DTNB: variants seen among roughly 807,000 people sequenced by gnomAD.
DTNB encodes dystrobrevin beta, also known as DTN-B.
DTNB carries 63 observed loss-of-function variants against 90.7 expected under a neutral mutation model. That is an observed-to-expected ratio of 0.69 (90% CI 0.57 to 0.86). The LOEUF is 0.86. Ranked by LOEUF, DTNB falls within the 40% of genes least tolerant of loss-of-function variation. The pLI is 0.00. For synonymous variants in DTNB, 277 were observed against 286.7 expected, an observed-to-expected ratio of 0.97 and a Z score of 0.34; for missense variants, 744 against 807.1, an observed-to-expected ratio of 0.92 and a Z score of 0.95.
rs545770531 is a variant in DTNB, at chr2:25,574,902, T to C, written c.876+1936A>G. On this transcript the variant is annotated intron_variant, in intron 8 of 20. Transcript: ENST00000406818. ...TTAGTTCACAATAGTGCTGTGAGGG[T>C]CAAACAGAAATGTAAGAATTCATTT... Among the ~76,000 whole-genome samples the C allele has an allele frequency of 3.9e-4, 59 of 152,180 alleles. 3 individuals are homozygous for C. The highest frequency in any genetic ancestry group is 3.8e-3 in the Admixed American group (58 of 15,274).
intron 4 of DTNB, among the ~76,000 whole-genome samples, chr2:25,624,535 G>A (rs2073668859): frequency 6.6e-6 from 1 of 152,216 alleles, no homozygotes; most frequent in South Asian, 2.1e-4. Flanking sequence ...CAACCAAGAT[G>A]AGGGGCTGGC....
chr2:25,513,129 A>G (rs943987919), intron 9 of DTNB, among the ~76,000 whole-genome samples: 2 of 152,404 alleles, frequency 1.3e-5, no homozygotes, highest in Admixed American at 6.5e-5. Flanking sequence ...AAAGTGGGCA[A>G]TGTGAAGACT....
intron 3 of DTNB, among the ~76,000 whole-genome samples, 178 bp from the exon 4 acceptor site, chr2:25,628,562 A>T (rs2074967947): frequency 6.6e-6 from 1 of 152,184 alleles, no homozygotes; most frequent in South Asian, 2.1e-4. Context: ...AACATCAAGG[A>T]GCCACCACAG....
Position 25,379,290 on chromosome 2 carries a change from C to A in DTNB, c.*29G>T. ...GAGGCAGAGGACTCTTTGTACTCAC[C>A]TGAGCTTCCTCTGTGTCCGGCTCCT... On this transcript the variant is annotated splice_region_variant and 3_prime_UTR_variant, in exon 20 of 21. Coordinates refer to ENST00000406818, the MANE Select transcript of DTNB (RefSeq NM_021907.5). 2 of 1,326,996 alleles carry A rather than the reference C, an allele frequency of 1.5e-6. No individual in the cohort carries two copies. Among genetic ancestry groups the A allele is most frequent in the East Asian group, 2.8e-5 (1 of 35,686 alleles). The allele number at this position is 1,326,996 out of a possible 1,614,324, so 82.2% of individuals were successfully genotyped here. A position where few individuals can be genotyped will look rare whatever the true frequency, so the allele number is the denominator to read the frequency against.
At chr2:25,615,282 C>T (rs910559661) in intron 4 of DTNB, among the ~76,000 whole-genome samples, 1 of 152,162 alleles carries the variant, frequency 6.6e-6, no homozygotes, top group African/African-American at 2.4e-5. Flanking sequence ...TCTGGAAGCT[C>T]TCCAAACCTA....
intron 9 of DTNB, among the ~76,000 whole-genome samples, chr2:25,493,032 C>T (rs780225914): frequency 1.3e-5 from 2 of 152,156 alleles, no homozygotes; most frequent in African/African-American, 2.4e-5. Flanking sequence ...GGCGCATTAG[C>T]TCTTTCCCAC....
At chr2:25,578,141 A>G (rs1026159855) in intron 7 of DTNB, among the ~76,000 whole-genome samples, 1 of 152,230 alleles carries the variant, frequency 6.6e-6, no homozygotes, top group African/African-American at 2.4e-5. Context: ...AAAAATATAT[A>G]TTAACTAGTG....
chr2:25,556,110 T>C (rs1572532885), intron 8 of DTNB, among the ~76,000 whole-genome samples: 1 of 150,644 alleles, frequency 6.6e-6, no homozygotes, highest in East Asian at 2.0e-4. Context: ...AGTAAGTACA[T>C]ACCATAATAA....
chr2:25,482,385 T>C (rs1291929564), intron 10 of DTNB, among the ~76,000 whole-genome samples: 1 of 152,142 alleles, frequency 6.6e-6, no homozygotes, highest in Non-Finnish European at 1.5e-5. Flanking sequence ...TTATAAGGGA[T>C]TAATTCAATT....
At chr2:25,582,313 T>C (rs570921479) in intron 6 of DTNB, among the ~76,000 whole-genome samples, 29 of 152,304 alleles carry the variant, frequency 1.9e-4, no homozygotes, top group African/African-American at 6.7e-4. Flanking sequence ...CAAGAGTTCC[T>C]GTCTCATAAG....
intron 8 of DTNB, among the ~76,000 whole-genome samples, chr2:25,546,591 A>C (rs1043541842): frequency 1.3e-5 from 2 of 152,138 alleles, no homozygotes; most frequent in Non-Finnish European, 2.9e-5. Flanking sequence ...CTAAACCCTA[A>C]CCTCTGGGGC....
intron 10 of DTNB, among the ~76,000 whole-genome samples, chr2:25,475,964 T>G (rs1038790268): frequency 6.6e-6 from 1 of 152,196 alleles, no homozygotes; most frequent in East Asian, 1.9e-4. Context: ...TGACAATGCA[T>G]GTGGCTCCTA....
chr2:25,627,014 C>T (rs1018881294), intron 4 of DTNB, among the ~76,000 whole-genome samples: 9 of 152,178 alleles, frequency 5.9e-5, no homozygotes, highest in African/African-American at 1.9e-4. Flanking sequence ...AAATCATTTC[C>T]GTTTTAATTG....
At chr2:25,542,654 G>A (rs1012642821) in intron 8 of DTNB, among the ~76,000 whole-genome samples, 33 of 152,208 alleles carry the variant, frequency 2.2e-4, no homozygotes, top group African/African-American at 7.9e-4. Flanking sequence ...AGGCCTGGTT[G>A]TTTCCTTTGT....
chr2:25,653,879 C>T (rs187781910), intron 1 of DTNB, among the ~76,000 whole-genome samples: 10 of 152,244 alleles, frequency 6.6e-5, no homozygotes, highest in South Asian at 2.1e-4. Flanking sequence ...AGATGCCGTT[C>T]GTTCACCTGC....
chr2:25,526,395 A>ATATATATATATATATATTT, intron 9 of DTNB, among the ~76,000 whole-genome samples: 4 of 49,826 alleles, frequency 8.0e-5, no homozygotes, highest in African/African-American at 3.9e-4. Context: ...ATATATATAT[A>ATATATATATATATATATTT]TTTTTTTTTT....
intron 9 of DTNB, among the ~76,000 whole-genome samples, chr2:25,495,585 C>T (rs2068660260): frequency 6.6e-6 from 1 of 152,178 alleles, no homozygotes; most frequent in African/African-American, 2.4e-5. Flanking sequence ...AAAGCCCTTT[C>T]ATTGCAATGA....
chr2:25,472,943 G>A (rs1262726521), intron 10 of DTNB, among the ~76,000 whole-genome samples: 2 of 152,082 alleles, frequency 1.3e-5, no homozygotes, highest in Non-Finnish European at 2.9e-5. Flanking sequence ...TCAAGTACTC[G>A]ACAGACACAT....
At chr2:25,430,319 CT>C (rs2053434466) in intron 14 of DTNB, among the ~76,000 whole-genome samples, 1 of 152,170 alleles carries the variant, frequency 6.6e-6, no homozygotes, top group Admixed American at 6.5e-5. Context: ...TTCATACTCT[CT>C]ACATTTCCAG....
Sources: allele counts gnomAD v4.1 joint callset (sites outside exome capture counted in the v4.1 genomes callset), GRCh38; gene constraint gnomAD v4.1.1; transcripts MANE v1.5; gene names NCBI Gene and HGNC (gene_info 2026-07-23, HGNC 2026-07-21).